Variants in CDK19 observed in about 807,000 individuals in gnomAD.
CDK19 encodes cyclin-dependent kinase 19.
In CDK19, 20 loss-of-function variants were observed where a neutral mutation model predicts 68.3. That is an observed-to-expected ratio of 0.29 (90% CI 0.21 to 0.43). The LOEUF is 0.43. Among genes scored for constraint, CDK19 ranks in the 20% least tolerant of loss-of-function variants. The pLI, the probability that CDK19 is intolerant of heterozygous loss-of-function variation, is 1.00. For missense variants in CDK19, 339 were observed against 623.5 expected (o/e 0.54, Z 4.86); for synonymous variants, 221 against 222.8 (o/e 0.99, Z 0.07).
intron 9 of CDK19, 138 bp downstream of exon 9, chr6:110,623,152 A>T (rs1402552357): frequency 4.1e-6 from 3 of 724,138 alleles, no homozygotes; most frequent in Non-Finnish European, 6.9e-6. Context: ...ACAGGGTGAC[A>T]TCTCAACAAA....
At chr6:110,666,820 A>T (rs182444165) in intron 4 of CDK19, among the ~76,000 whole-genome samples, 3 of 152,232 alleles carry the variant, frequency 2.0e-5, no homozygotes, top group Admixed American at 2.0e-4. Flanking sequence ...AGAAACTTGC[A>T]TCAACATAAA....
chr6:110,744,942 G>A (rs1195730876), intron 2 of CDK19, among the ~76,000 whole-genome samples: 1 of 152,056 alleles, frequency 6.6e-6, no homozygotes, highest in Non-Finnish European at 1.5e-5. Context: ...ATGGAACTGT[G>A]GGCAATATAT....
chr6:110,803,886 T>A (rs1308573467), intron 1 of CDK19, among the ~76,000 whole-genome samples: 1 of 152,078 alleles, frequency 6.6e-6, no homozygotes, highest in Non-Finnish European at 1.5e-5. Flanking sequence ...GGAGGATCAT[T>A]TGAGCACAGG....
chr6:110,740,234 A>G (rs1190619333), intron 2 of CDK19, among the ~76,000 whole-genome samples: 3 of 152,212 alleles, frequency 2.0e-5, no homozygotes, highest in African/African-American at 7.2e-5. Flanking sequence ...ATCGCAAAAC[A>G]AATTAATGGT....
At chr6:110,759,930 T>C (rs9374202) in intron 1 of CDK19, among the ~76,000 whole-genome samples, 38,146 of 151,948 alleles carry the variant, frequency 0.25, 4,902 homozygotes, top group South Asian at 0.4. Flanking sequence ...TAAATACCAA[T>C]AATAATGAGC....
intron 2 of CDK19, among the ~76,000 whole-genome samples, chr6:110,724,152 G>A (rs763066947): frequency 8.5e-5 from 13 of 152,086 alleles, no homozygotes; most frequent in South Asian, 2.1e-4. Flanking sequence ...GCAGGAGTTC[G>A]AGACCAGCCT....
intron 1 of CDK19, among the ~76,000 whole-genome samples, chr6:110,812,328 T>C (rs183524956): frequency 2.0e-5 from 3 of 152,212 alleles, no homozygotes; most frequent in Admixed American, 6.5e-5. Context: ...TTCACCATGT[T>C]CACCAGGATG....
At chr6:110,734,736 T>G (rs1562244480) in intron 2 of CDK19, among the ~76,000 whole-genome samples, 1 of 152,082 alleles carries the variant, frequency 6.6e-6, no homozygotes, top group Non-Finnish European at 1.5e-5. Flanking sequence ...GTGCTTAACT[T>G]TGTCACAGTC....
intron 1 of CDK19, among the ~76,000 whole-genome samples, chr6:110,751,536 C>T (rs1382341087): frequency 1.3e-5 from 2 of 152,060 alleles, no homozygotes; most frequent in East Asian, 3.9e-4. Context: ...TCATTATATA[C>T]TACAGTGTAA....
At chr6:110,639,524 C>A (rs1326558750) in intron 4 of CDK19, among the ~76,000 whole-genome samples, 1 of 152,132 alleles carries the variant, frequency 6.6e-6, no homozygotes, top group Non-Finnish European at 1.5e-5. Context: ...ACAGTAAAAA[C>A]CAAGTTCCTA....
At chr6:110,674,863 A>G (rs1771354188) in intron 2 of CDK19, among the ~76,000 whole-genome samples, 2 of 151,450 alleles carry the variant, frequency 1.3e-5, no homozygotes, top group East Asian at 1.9e-4. Context: ...GATTATGCCA[A>G]TGTACTCCAG....
chr6:110,799,265 T>A (rs958109855), intron 1 of CDK19, among the ~76,000 whole-genome samples: 1 of 150,096 alleles, frequency 6.7e-6, no homozygotes, highest in East Asian at 2.0e-4. Flanking sequence ...CCCAGAAGAC[T>A]TGAAGAAAAG....
chr6:110,660,249 G>A (rs762005568), intron 4 of CDK19, among the ~76,000 whole-genome samples: 2 of 152,126 alleles, frequency 1.3e-5, no homozygotes, highest in Admixed American at 6.5e-5. Context: ...CCACTCACTC[G>A]ACCTGCTCTC....
intron 4 of CDK19, among the ~76,000 whole-genome samples, chr6:110,646,819 G>C (rs62420293): frequency 0.025 from 3,776 of 152,162 alleles, 72 homozygotes; most frequent in Non-Finnish European, 0.039. Context: ...GAAGGCAGCA[G>C]TGTTTCCTGG....
At chr6:110,634,901 C>A (rs1779665355) in intron 5 of CDK19, among the ~76,000 whole-genome samples, 1 of 152,200 alleles carries the variant, frequency 6.6e-6, no homozygotes. Flanking sequence ...TCTACTCACT[C>A]GCAGATGCAA....
At chr6:110,723,564 G>A (rs555558783) in intron 2 of CDK19, among the ~76,000 whole-genome samples, 3 of 152,242 alleles carry the variant, frequency 2.0e-5, no homozygotes, top group Admixed American at 1.3e-4. Context: ...ACAATGCTAG[G>A]TTCCTGACCT....
At chr6:110,652,856 C>T (rs992536434) in intron 4 of CDK19, among the ~76,000 whole-genome samples, 2 of 152,166 alleles carry the variant, frequency 1.3e-5, no homozygotes, top group Non-Finnish European at 2.9e-5. Flanking sequence ...TAAGTGTGGA[C>T]TCTCCATGTA....
chr6:110,769,946 T>C (rs1282520069), intron 1 of CDK19, among the ~76,000 whole-genome samples: 1 of 152,146 alleles, frequency 6.6e-6, no homozygotes, highest in Non-Finnish European at 1.5e-5. Flanking sequence ...CAACCTATTA[T>C]TGGTAAAGAG....
Position 110,610,604 on chromosome 6 carries a change from A to C in CDK19, c.*3931T>G, listed in dbSNP as rs1482070673. 6.6e-6 allele frequency: 1 copy of C among 152,124 alleles called. No individual in the cohort carries two copies. Among genetic ancestry groups the C allele is most frequent in the African/African-American group, 2.4e-5 (1 of 41,420 alleles). The allele number at this position is 152,124 out of a possible 1,614,324, so 9.4% of individuals were successfully genotyped here. On this transcript the variant is annotated 3_prime_UTR_variant, in exon 13 of 13. Coordinates refer to ENST00000368911, the MANE Select transcript of CDK19 (RefSeq NM_015076.5). Reference sequence around the variant, plus strand: ...AACAATGAACTTTGTTATATTTGTGACTATTTTTGAGGATTATGGGGACCT... The same window carrying C: ...AACAATGAACTTTGTTATATTTGTGCCTATTTTTGAGGATTATGGGGACCT...
Sources: gnomAD v4.1 joint callset for allele counts (sites outside exome capture counted in the v4.1 genomes callset) on GRCh38, gnomAD v4.1.1 for gene constraint, MANE v1.5 for transcripts, NCBI Gene and HGNC (gene_info 2026-07-23, HGNC 2026-07-21) for gene names.